Variants in SNX14 observed in about 807,000 individuals in gnomAD.
SNX14 encodes sorting nexin-14.
Under a neutral mutation model 133.8 loss-of-function variants are expected in SNX14, and 93 were observed. That is an observed-to-expected ratio of 0.70 (90% CI 0.59 to 0.83). The LOEUF (loss-of-function observed/expected upper bound fraction) is 0.83. SNX14 is among the 40% of genes least tolerant of loss of function. The pLI is 0.00. For missense variants in SNX14, 945 were observed against 1,094.9 expected, an observed-to-expected ratio of 0.86 and a Z score of 1.93; for synonymous variants, 368 against 365.6, an observed-to-expected ratio of 1.01 and a Z score of -0.07.
intron 20 of SNX14, among the ~76,000 whole-genome samples, chr6:85,527,907 C>T (rs1779007039): frequency 6.6e-6 from 1 of 151,972 alleles, no homozygotes; most frequent in Non-Finnish European, 1.5e-5. Flanking sequence ...GAAAACAGAA[C>T]AAACAGTAAC....
At chr6:85,515,754 A>T (rs908176217) in intron 23 of SNX14, among the ~76,000 whole-genome samples, 1 of 152,028 alleles carries the variant, frequency 6.6e-6, no homozygotes, top group African/African-American at 2.4e-5. Context: ...ACTCTTTTAA[A>T]TTTTCAGTGT....
chr6:85,572,160 T>G lies in SNX14; in HGVS notation c.394A>C (p.Lys132Gln). 1 of 1,613,702 alleles carries G rather than the reference T, an allele frequency of 6.2e-7. No individual in the cohort carries two copies. The highest frequency in any genetic ancestry group is 8.5e-7 in the Non-Finnish European group (1 of 1,179,876). ...QPWLDLKISS[K>Q]VDASLSEVLE... ...ACCTCTGAGAGAGATGCATCAACCT[T>G]GGAAGAAATTTTCAGGTCTAGCCAT... Residue 132 changes from lysine to glutamine, a missense_variant, in exon 4 of 29, where the codon AAG becomes CAG. Lys to Gln is a moderately conservative substitution (Grantham distance 53, BLOSUM62 1). Transcript: ENST00000314673.
At position 85,562,582 on chromosome 6, in the gene SNX14, CTTTTTT is replaced by C. The variant is rs201175458; in HGVS notation, c.549+2744_549+2749del. Among the ~76,000 whole-genome samples, 108 of 94,852 alleles carry C rather than the reference CTTTTTT, an allele frequency of 1.1e-3. 1 individual carries two copies. Among genetic ancestry groups the C allele is most frequent in the East Asian group, 3.5e-3 (11 of 3,168 alleles). The allele number at this position is 94,852 out of a possible 152,430, so 62.2% of individuals were successfully genotyped here. A position where few individuals can be genotyped will look rare whatever the true frequency, so the allele number is the denominator to read the frequency against. On this transcript the variant is annotated intron_variant, in intron 6 of 28. Transcript: ENST00000314673. The stretch of plus-strand genomic sequence containing the variant: ...TAAATCTTTGAACATACTTTTTGGG[CTTTTTT>C]TTTTTTTTTTTTTTTTGAGACAGAG...
intron 1 of SNX14, chr6:85,589,368 G>A (rs550617897): frequency 1.3e-5 from 2 of 154,570 alleles, no homozygotes; most frequent in African/African-American, 2.4e-5. Context: ...CTACAGACGT[G>A]TACCTCCACA....
intron 6 of SNX14, among the ~76,000 whole-genome samples, chr6:85,561,838 T>TC (rs1791740327): frequency 6.6e-6 from 1 of 151,868 alleles, no homozygotes; most frequent in Non-Finnish European, 1.5e-5. Flanking sequence ...TTTTTTTTTT[T>TC]CCTTTTTCTT....
At chr6:85,512,743 C>T (rs1773393342) in intron 26 of SNX14, among the ~76,000 whole-genome samples, 1 of 152,100 alleles carries the variant, frequency 6.6e-6, no homozygotes, top group Non-Finnish European at 1.5e-5. Flanking sequence ...TCAGGTTTCC[C>T]TAGCTCAGCA....
chr6:85,590,483 T>C (rs942552696), intron 1 of SNX14, among the ~76,000 whole-genome samples: 2 of 152,214 alleles, frequency 1.3e-5, no homozygotes, highest in Non-Finnish European at 1.5e-5. Context: ...CTCAGGAAGA[T>C]ATATTTAATA....
At chr6:85,515,703 A>T (rs1019753044) in intron 23 of SNX14, among the ~76,000 whole-genome samples, 8 of 152,144 alleles carry the variant, frequency 5.3e-5, no homozygotes, top group Non-Finnish European at 1.2e-4. Context: ...CAACCCAAAA[A>T]ATAGGAAAAG....
chr6:85,589,398 T>C (rs980291619), intron 1 of SNX14: 2 of 153,756 alleles, frequency 1.3e-5, no homozygotes, highest in Admixed American at 1.3e-4. Flanking sequence ...ATTTTTTGTA[T>C]TTTTTGTAGA....
At chr6:85,510,765 TA>T (rs1772512207) in intron 26 of SNX14, among the ~76,000 whole-genome samples, 1 of 152,226 alleles carries the variant, frequency 6.6e-6, no homozygotes, top group African/African-American at 2.4e-5. Context: ...GTTCCTTTGC[TA>T]ATAAGAACAG....
chr6:85,550,002 T>C, intron 7 of SNX14, 123 bp from the exon 8 acceptor site: 1 of 798,062 alleles, frequency 1.3e-6, no homozygotes, highest in East Asian at 2.9e-5. Flanking sequence ...ATCCCAGCAT[T>C]TTGTGAGGCC....
chr6:85,585,748 C>G (rs1800618400), intron 1 of SNX14, among the ~76,000 whole-genome samples: 1 of 152,028 alleles, frequency 6.6e-6, no homozygotes, highest in African/African-American at 2.4e-5. Context: ...AAGAATCAAA[C>G]TTAAAAATAC....
At chr6:85,538,463 A>G (rs1205228763) in intron 16 of SNX14, among the ~76,000 whole-genome samples, 1 of 152,162 alleles carries the variant, frequency 6.6e-6, no homozygotes, top group African/African-American at 2.4e-5. Context: ...TATTATGCCC[A>G]GAAATACAGA....
rs779873668 is a variant in SNX14, at chr6:85,558,005, A to G, written c.605T>C (p.Ile202Thr). The change falls in exon 7 of 29, where the codon ATA becomes ACA. Residue 202 changes from isoleucine (I) to threonine (T), a missense_variant. Physicochemically the swap from Ile to Thr is moderately conservative, Grantham distance 89 (BLOSUM62 -1). Transcript: ENST00000314673. ...CTGTCTGGCTTTAACTATCACTTCT[A>G]TATGCTTCATTGCTGCTTTTAATAG... ...KKLLKAAMKHIEVIVKARQKV... is the reference protein window; with the variant it reads ...KKLLKAAMKHTEVIVKARQKV... 1.9e-5 allele frequency: 30 copies of G among 1,595,068 alleles called. No individual in the cohort carries two copies. Among genetic ancestry groups the G allele is most frequent in the South Asian group, 5.6e-5 (5 of 89,708 alleles).
chr6:85,565,341 C>T lies in SNX14; in HGVS notation c.540G>A (p.Arg180=), dbSNP rs1793441980. Residue 180 remains arginine (R), a synonymous_variant, in exon 6 of 29, where the codon AGG becomes AGA. Transcript: ENST00000314673. ...CATTAAAAATATATACCTTGTGAAT[C>T]CTTCTTATTAAGACAGATGCAAAAA... ...LRFFASVLIR[R]IHKVDIPSII... 6.3e-7 allele frequency: 1 copy of T among 1,583,434 alleles called. No homozygotes were observed. Among genetic ancestry groups the T allele is most frequent in the Admixed American group, 1.8e-5 (1 of 54,726 alleles).
At chr6:85,547,662 T>A in intron 9 of SNX14, 112 bp from the exon 10 acceptor site, 1 of 938,100 alleles carries the variant, frequency 1.1e-6, no homozygotes, top group Non-Finnish European at 1.5e-6. Context: ...AAAAAATAAA[T>A]GGAGCAGTAG....
chr6:85,525,489 T>C (rs778611094), intron 21 of SNX14, among the ~76,000 whole-genome samples: 1 of 152,182 alleles, frequency 6.6e-6, no homozygotes, highest in African/African-American at 2.4e-5. Flanking sequence ...GCCAGTTTTA[T>C]AGCCAACAAT....
chr6:85,521,579 T>C (rs1169383285), intron 21 of SNX14, among the ~76,000 whole-genome samples: 1 of 152,222 alleles, frequency 6.6e-6, no homozygotes, highest in Non-Finnish European at 1.5e-5. Context: ...AGGTAAAATA[T>C]CCATAAATAT....
At chr6:85,542,544 G>A (rs1049736907) in intron 14 of SNX14, among the ~76,000 whole-genome samples, 12 of 151,878 alleles carry the variant, frequency 7.9e-5, no homozygotes, top group Non-Finnish European at 1.5e-4. Flanking sequence ...ACAGGTGCCC[G>A]CCACCACGCC....
Sources: gnomAD v4.1 joint callset for allele counts (sites outside exome capture counted in the v4.1 genomes callset) on GRCh38, gnomAD v4.1.1 for gene constraint, MANE v1.5 for transcripts, NCBI Gene and HGNC (gene_info 2026-07-23, HGNC 2026-07-21) for gene names.